The following DALRD3 variants were observed in gnomAD, a reference collection of about 807,000 sequenced individuals.
DALRD3 encodes the protein DALR anticodon binding domain containing 3.
In DALRD3, 47 loss-of-function variants were observed where a neutral mutation model predicts 56.7. That is an observed-to-expected ratio of 0.83 (90% CI 0.66 to 1.06). The LOEUF (loss-of-function observed/expected upper bound fraction) is 1.06. Among genes scored for constraint, DALRD3 ranks in the 50% least tolerant of loss-of-function variants. The probability of loss-of-function intolerance (pLI) is 0.00; values close to 1 mark genes in which losing one functional copy is unlikely to be tolerated. For synonymous variants in DALRD3, 347 were observed against 308.5 expected (o/e 1.12, Z -1.31); for missense variants, 787 against 724.0 (o/e 1.09, Z -1.00).
rs769948091 is a variant in DALRD3, at chr3:49,017,330, G to T, written c.825C>A (p.Gly275=). ...TAACAACATGTACAACCAGGCAGCC[G>T]CCTGTACCAGTATCTGAGGCCCCAG... ...GLAGASDTGT[G]GCLVVHVVSC... Residue 275 remains glycine, a synonymous_variant, in exon 5 of 12, where the codon GGC becomes GGA. Transcript: ENST00000341949. 1.2e-6 allele frequency: 2 copies of T among 1,614,100 alleles called. No individual in the cohort carries two copies. Among genetic ancestry groups the T allele is most frequent in the Non-Finnish European group, 1.7e-6 (2 of 1,180,046 alleles).
In DALRD3 at chr3:49,018,467, C is replaced by CG; in HGVS notation, c.97dup (p.Arg33ProfsTer21). 6.3e-7 allele frequency: 1 copy of CG among 1,588,220 alleles called. No homozygotes were observed. The highest frequency in any genetic ancestry group is 8.6e-7 in the Non-Finnish European group (1 of 1,167,688). ...CAGAAAGTCTCGGGAACGCAGGTGGCGGGTGCGCGTCTCCTTGATCCACAC... is the reference window on the plus strand; with the variant it reads ...CAGAAAGTCTCGGGAACGCAGGTGGCGGGGTGCGCGTCTCCTTGATCCACAC... On this transcript the variant is annotated frameshift_variant, in exon 1 of 12. Transcript: ENST00000341949. LOFTEE classifies it high-confidence loss of function.
In DALRD3 at chr3:49,016,812, A is replaced by G. The variant is rs779418459; in HGVS notation, c.963T>C (p.Gly321=). 3.5e-5 allele frequency: 57 copies of G among 1,614,094 alleles called. No individual in the cohort carries two copies. Among genetic ancestry groups the G allele is most frequent in the South Asian group, 9.9e-5 (9 of 91,084 alleles). Residue 321 remains glycine, a synonymous_variant, in exon 6 of 12, where the codon GGT becomes GGC. Transcript: ENST00000341949. ...GGGCAGTCATCAGAGTGCCAGGTGC[A>G]CCAGCTACTTTCACAGGGCCACAGA... ...HLICGPVKVA[G]APGTLMTAPE...
At chr3:49,020,651 G>C, upstream of DALRD3, 2 of 490,322 alleles carry the variant, frequency 4.1e-6, no homozygotes, top group Non-Finnish European at 8.4e-6. Flanking sequence ...TCCAAGCGCA[G>C]CTGGAATGCT....
upstream of DALRD3, chr3:49,018,596 A>G: frequency 6.6e-7 from 1 of 1,518,552 alleles, no homozygotes; most frequent in Non-Finnish European, 8.8e-7. Context: ...GAACCGGAAA[A>G]AAATTTAGGG....
chr3:49,019,767 G>T (rs138766938), upstream of DALRD3, among the ~76,000 whole-genome samples: 448 of 152,274 alleles, frequency 2.9e-3, 4 homozygotes, highest in Middle Eastern at 6.8e-3. Context: ...GAGCCACCGC[G>T]CCCGGCTCAG....
At chr3:49,021,452 G>A (rs2093156199), upstream of DALRD3, 1 of 153,272 alleles carries the variant, frequency 6.5e-6, no homozygotes, top group African/African-American at 2.4e-5. This position sits in a 1 kb window ranked among gnomAD's most constrained non-coding sequence, Gnocchi z 4.1. Flanking sequence ...GCCTGGTCTG[G>A]GCCAGCCGAA....
rs751129304 is a variant in DALRD3 at position 49,016,359 on chromosome 3, GC to G, written c.1147-20del. On this transcript the variant is annotated intron_variant, in intron 8 of 11. Transcript: ENST00000341949. Reference sequence around the variant, plus strand: ...GGAAGAGCTGGGGAATAGAAGCACAGCTGCAGAGAGAGAAGGCAGCCACCAC... The same window carrying G: ...GGAAGAGCTGGGGAATAGAAGCACAGTGCAGAGAGAGAAGGCAGCCACCAC... 1.2e-6 allele frequency: 2 copies of G among 1,605,418 alleles called. No homozygotes were observed. Among genetic ancestry groups the G allele is most frequent in the Admixed American group, 3.4e-5 (2 of 59,700 alleles).
rs1559901298 is a variant in DALRD3 at position 49,015,616 on chromosome 3, A to T, written c.1604T>A (p.Leu535Gln). ...AATGTGGCTCAGTGGAGGGAGACCCAGCATAGCCAGGCCAGTATGGAGCAC... is the reference window on the plus strand; with the variant it reads ...AATGTGGCTCAGTGGAGGGAGACCCTGCATAGCCAGGCCAGTATGGAGCAC... ...REVLHTGLAM[L>Q]GLPPLSHI The change falls in exon 12 of 12, where the codon CTG (leucine) becomes CAG (glutamine). Residue 535 changes from leucine to glutamine, a missense_variant. Coordinates refer to ENST00000341949, the MANE Select transcript of DALRD3 (RefSeq NM_001009996.3). 1 of 1,614,154 alleles carries T rather than the reference A, an allele frequency of 6.2e-7. No individual in the cohort carries two copies. Among genetic ancestry groups the T allele is most frequent in the Non-Finnish European group, 8.5e-7 (1 of 1,180,038 alleles).
intron 5 of DALRD3, 88 bp from the exon 6 acceptor site, chr3:49,016,935 G>A: frequency 1.4e-6 from 2 of 1,466,346 alleles, no homozygotes; most frequent in Non-Finnish European, 1.9e-6. Context: ...CCTCTACTCA[G>A]CCCAGACTCC....
upstream of DALRD3, chr3:49,020,330 G>T (rs2093142463): frequency 1.1e-5 from 5 of 461,884 alleles, no homozygotes; most frequent in Admixed American, 4.7e-5. Context: ...CACGAAGACG[G>T]TTGGGGTGGT....
At chr3:49,020,548 TGA>T (rs2093145401), upstream of DALRD3, 1 of 456,824 alleles carries the variant, frequency 2.2e-6, no homozygotes, top group Admixed American at 2.4e-5. Flanking sequence ...TGAGAGGAAC[TGA>T]GACCCAAGCA....
Position 49,015,633 on chromosome 3 carries a change from A to G in DALRD3, c.1587T>C (p.His529=). The part of the protein sequence containing the change: ...QLLRAVREVL[H]TGLAMLGLPP... ...GGAGACCCAGCATAGCCAGGCCAGT[A>G]TGGAGCACCTCACGCACAGCTCTCA... Residue 529 remains histidine (H), a synonymous_variant, in exon 12 of 12, where the codon CAT becomes CAC. Transcript: ENST00000341949. 1 of 1,614,148 alleles carries G rather than the reference A, an allele frequency of 6.2e-7. No individual in the cohort carries two copies. The highest frequency in any genetic ancestry group is 8.5e-7 in the Non-Finnish European group (1 of 1,180,018).
upstream of DALRD3, chr3:49,020,697 C>A (rs769386429): frequency 3.1e-5 from 15 of 489,300 alleles, no homozygotes; most frequent in Middle Eastern, 4.7e-4. Context: ...TTCCGTTGCC[C>A]GCTGTCCAGC....
chr3:49,018,246 G>A lies in DALRD3; in HGVS notation c.238C>T (p.Pro80Ser), dbSNP rs1012175222. Residue 80 changes from proline to serine, a missense_variant, in exon 2 of 12, where the codon CCG (proline) becomes TCG (serine). Transcript: ENST00000341949. ...TGGAGAGACAGACCCGCGGGGGTCG[G>A]CGCGCAGCGCAGCACCGGGGCCACA... ...PGVAPVLRCA[P>S]TPAGLSLQLQ... 1.4e-5 allele frequency: 20 copies of A among 1,436,922 alleles called. No homozygotes were observed. Among genetic ancestry groups the A allele is most frequent in the Non-Finnish European group, 1.6e-5 (18 of 1,103,702 alleles). The allele number at this position is 1,436,922 out of a possible 1,614,324, so 89.0% of individuals were successfully genotyped here.
intron 10 of DALRD3, 45 bp from the exon 11 acceptor site, chr3:49,015,917 GC>G (rs1244832566): frequency 8.1e-6 from 13 of 1,614,030 alleles, no homozygotes; most frequent in Non-Finnish European, 1.1e-5. Flanking sequence ...TTGCTCTTGT[GC>G]CCCAGGCCAG....
In DALRD3 at chr3:49,018,442, C is replaced by T. The variant is rs776434225; in HGVS notation, c.123G>A (p.Leu41=). Residue 41 remains leucine, a synonymous_variant, in exon 1 of 12, where the codon CTG becomes CTA. Coordinates refer to ENST00000341949, the MANE Select transcript of DALRD3 (RefSeq NM_001009996.3). ...GCGCCTGCAGCGCGCGGTGCGGTGCCAGAAAGTCTCGGGAACGCAGGTGGC... is the reference window on the plus strand; with the variant it reads ...GCGCCTGCAGCGCGCGGTGCGGTGCTAGAAAGTCTCGGGAACGCAGGTGGC... ...RTRHLRSRDF[L]APHRALQARF... is the part of the protein sequence containing the mutation. 75 of 1,587,808 alleles carry T rather than the reference C, an allele frequency of 4.7e-5. No individual in the cohort carries two copies. The highest frequency in any genetic ancestry group is 6.0e-6 in the Non-Finnish European group (7 of 1,167,838).
chr3:49,016,862 T>G lies in DALRD3; in HGVS notation c.928-15A>C. The G allele has an allele frequency of 6.2e-7, 1 of 1,614,138 alleles. No individual in the cohort carries two copies. The highest frequency in any genetic ancestry group is 1.1e-5 in the South Asian group (1 of 91,078). On this transcript the variant is annotated splice_polypyrimidine_tract_variant and intron_variant, in intron 5 of 11. Coordinates refer to ENST00000341949, the MANE Select transcript of DALRD3 (RefSeq NM_001009996.3). ...ATGAGGTGCTTCTGTCAGAAAGATG[T>G]CAGGGGCTCAGCCTAGTTGGCGCTA...
At chr3:49,018,739 G>C, upstream of DALRD3, 1 of 985,432 alleles carries the variant, frequency 1.0e-6, no homozygotes, top group Non-Finnish European at 1.2e-6. Flanking sequence ...CTTCCGCGTG[G>C]TCCACCTGCA....
chr3:49,020,298 G>A (rs944535699), upstream of DALRD3: 1 of 505,126 alleles, frequency 2.0e-6, no homozygotes, highest in Non-Finnish European at 4.1e-6. Flanking sequence ...CAGTCAAACT[G>A]AGGACTTCAG....
Sources: gnomAD v4.1 joint callset for allele counts (sites outside exome capture counted in the v4.1 genomes callset) on GRCh38, gnomAD v4.1.1 for gene constraint, Gnocchi (gnomAD v3.1) non-coding constraint, MANE v1.5 for transcripts, NCBI Gene and HGNC (gene_info 2026-07-23, HGNC 2026-07-21) for gene names.